The following FEZ2 variants were observed in gnomAD, a reference collection of about 807,000 sequenced individuals.
The protein encoded by FEZ2 is fasciculation and elongation protein zeta 2, also known as fasciculation and elongation protein zeta-2.
FEZ2 carries 51 observed loss-of-function variants against 40.4 expected under a neutral mutation model. That is an observed-to-expected ratio of 1.26 (90% CI 1.01 to 1.59). The LOEUF (loss-of-function observed/expected upper bound fraction) is 1.59, where lower values mean the gene tolerates loss of function less well. FEZ2 is among the 40% of genes most tolerant of loss of function. The pLI is 0.00. For synonymous variants in FEZ2, 242 were observed against 172.0 expected (o/e 1.41, Z -3.18); for missense variants, 640 against 438.3 (o/e 1.46, Z -4.11).
chr2:36,554,173 C>T, intron 7 of FEZ2: 1 of 470,938 alleles, frequency 2.1e-6, no homozygotes, highest in South Asian at 1.6e-5. Context: ...GGCTTACAGA[C>T]AGGAGCCAGC....
At chr2:36,570,949 T>C (rs1441095414) in intron 5 of FEZ2, among the ~76,000 whole-genome samples, 1 of 152,198 alleles carries the variant, frequency 6.6e-6, no homozygotes, top group Non-Finnish European at 1.5e-5. Flanking sequence ...AACTTGTTTA[T>C]ATTAACAATG....
At chr2:36,596,562 T>C (rs1275632798) in intron 1 of FEZ2, among the ~76,000 whole-genome samples, 1 of 152,198 alleles carries the variant, frequency 6.6e-6, no homozygotes, top group Admixed American at 6.5e-5. Flanking sequence ...ACTCAAGCAA[T>C]CCTGCCATCT....
chr2:36,572,438 A>G (rs551572141), intron 5 of FEZ2, among the ~76,000 whole-genome samples: 4 of 152,348 alleles, frequency 2.6e-5, no homozygotes, highest in East Asian at 1.9e-4. Context: ...ACTGGAGTTC[A>G]TAACTTTTTG....
chr2:36,564,677 C>T (rs977555227), intron 5 of FEZ2, among the ~76,000 whole-genome samples: 2 of 152,022 alleles, frequency 1.3e-5, no homozygotes, highest in African/African-American at 2.4e-5. Flanking sequence ...TGAAATATGA[C>T]GTATACACCC....
chr2:36,587,992 T>C (rs1165690624), intron 2 of FEZ2, among the ~76,000 whole-genome samples: 3 of 152,110 alleles, frequency 2.0e-5, no homozygotes, highest in African/African-American at 7.2e-5. Context: ...TGATCACGTG[T>C]TCACTTTCAT....
intron 5 of FEZ2, among the ~76,000 whole-genome samples, chr2:36,577,141 G>GT (rs1191391333): frequency 1.3e-5 from 2 of 152,052 alleles, no homozygotes; most frequent in Non-Finnish European, 2.9e-5. Flanking sequence ...TTGGTTTTGG[G>GT]TTTTTTTCAG....
intron 5 of FEZ2, among the ~76,000 whole-genome samples, chr2:36,563,815 T>C (rs1573004232): frequency 6.6e-6 from 1 of 152,174 alleles, no homozygotes; most frequent in South Asian, 2.1e-4. Flanking sequence ...GAATCCCTCC[T>C]CCCTGAACCG....
chr2:36,560,437 TAG>T (rs1468763824), intron 5 of FEZ2, among the ~76,000 whole-genome samples: 2 of 152,204 alleles, frequency 1.3e-5, no homozygotes, highest in Non-Finnish European at 2.9e-5. Context: ...CTTTTAGAAT[TAG>T]AGTCACATAT....
intron 5 of FEZ2, among the ~76,000 whole-genome samples, chr2:36,573,096 GAGTGTAACAC>G (rs1251835413): frequency 6.6e-6 from 1 of 152,120 alleles, no homozygotes; most frequent in Non-Finnish European, 1.5e-5. Context: ...TTTGATGGTG[GAGTGTAACAC>G]AGTAGAAATT....
chr2:36,575,116 T>C lies in FEZ2; in HGVS notation c.903+3481A>G, dbSNP rs568630145. Among the ~76,000 whole-genome samples, 7 of 152,322 alleles carry C rather than the reference T, an allele frequency of 4.6e-5. No homozygotes were observed. The East Asian group carries it at 9.6e-4, about 21-fold the overall frequency. The stretch of plus-strand genomic sequence containing the variant: ...CATCTATTCATTTTTTCCTTGTTTA[T>C]TGCCTTTCTCCGTCATTAGACTATA... On this transcript the variant is annotated intron_variant, in intron 5 of 7. Coordinates refer to ENST00000405912, the MANE Select transcript of FEZ2 (RefSeq NM_005102.3).
At chr2:36,560,692 CTTAGTAAA>C (rs1668070914) in intron 5 of FEZ2, 1 of 717,846 alleles carries the variant, frequency 1.4e-6, no homozygotes, top group South Asian at 1.9e-5. Flanking sequence ...AAGCAATGGT[CTTAGTAAA>C]TTAGTAAACT....
chr2:36,577,363 T>G (rs1297489254), intron 5 of FEZ2, among the ~76,000 whole-genome samples: 1 of 151,996 alleles, frequency 6.6e-6, no homozygotes, highest in African/African-American at 2.4e-5. Context: ...GTTCAAGCAA[T>G]TCTCCTGCCT....
chr2:36,555,020 CTAAT>C (rs1410017095), intron 7 of FEZ2, among the ~76,000 whole-genome samples: 1 of 152,178 alleles, frequency 6.6e-6, no homozygotes, highest in Non-Finnish European at 1.5e-5. Flanking sequence ...AATTTTGCCT[CTAAT>C]TAAGTTCTTC....
intron 5 of FEZ2, among the ~76,000 whole-genome samples, chr2:36,568,842 A>C (rs544787893): frequency 1.3e-5 from 2 of 152,334 alleles, no homozygotes; most frequent in South Asian, 2.1e-4. Context: ...TGAAAGTCTC[A>C]AAATCAGTCC....
At chr2:36,573,978 T>C (rs898506859) in intron 5 of FEZ2, among the ~76,000 whole-genome samples, 2 of 152,238 alleles carry the variant, frequency 1.3e-5, no homozygotes, top group Non-Finnish European at 2.9e-5. Context: ...TTGGAAATTC[T>C]ATCAGTTTCA....
intron 3 of FEZ2, among the ~76,000 whole-genome samples, chr2:36,582,116 A>G (rs1357397817): frequency 6.6e-6 from 1 of 152,198 alleles, no homozygotes; most frequent in Non-Finnish European, 1.5e-5. Context: ...ATCTTACAAC[A>G]GTATCTTGCC....
rs1305935729 is a variant in FEZ2 at position 36,558,525 on chromosome 2, A to T, written c.904-12T>A. 6.3e-5 allele frequency: 49 copies of T among 773,618 alleles called. No homozygotes were observed. The highest frequency in any genetic ancestry group is 4.9e-4 in the South Asian group (15 of 30,828). 47.9% of individuals were successfully genotyped at this position (773,618 alleles called of 1,614,324 possible). ...ACTGTAGTCAAATACTGCCAAGTTTAAAAAAAAAAAGTGTCACTTAAATCG... is the reference window on the plus strand; with the variant it reads ...ACTGTAGTCAAATACTGCCAAGTTTTAAAAAAAAAAGTGTCACTTAAATCG... On this transcript the variant is annotated splice_polypyrimidine_tract_variant and intron_variant, in intron 5 of 7. Coordinates refer to ENST00000405912, the MANE Select transcript of FEZ2 (RefSeq NM_005102.3).
At chr2:36,562,997 A>G (rs1355132179) in intron 5 of FEZ2, among the ~76,000 whole-genome samples, 1 of 152,188 alleles carries the variant, frequency 6.6e-6, no homozygotes, top group Admixed American at 6.5e-5. Flanking sequence ...ACTAAGACAC[A>G]CTTTCTATTT....
chr2:36,562,858 G>C (rs757744909), intron 5 of FEZ2, among the ~76,000 whole-genome samples: 3 of 152,106 alleles, frequency 2.0e-5, no homozygotes, highest in Non-Finnish European at 2.9e-5. Context: ...GTGACAAAGA[G>C]AAGAGTACTT....
Sources: allele counts gnomAD v4.1 joint callset (sites outside exome capture counted in the v4.1 genomes callset), GRCh38; gene constraint gnomAD v4.1.1; transcripts MANE v1.5; gene names NCBI Gene and HGNC (gene_info 2026-07-23, HGNC 2026-07-21).